GLIS3: variants seen among roughly 807,000 people sequenced by gnomAD.
GLIS3 encodes the protein GLIS family zinc finger 3.
Under a neutral mutation model 78.6 loss-of-function variants are expected in GLIS3, and 53 were observed. The ratio of observed to expected loss-of-function variants is 0.67; its 90% CI spans 0.54 to 0.85. The LOEUF (loss-of-function observed/expected upper bound fraction) is 0.85. GLIS3 is among the 40% of genes least tolerant of loss of function. GLIS3 has a pLI of 0.00. For missense variants in GLIS3, 1,703 were observed against 1,231.1 expected, an observed-to-expected ratio of 1.38 and a Z score of -5.74; for synonymous variants, 684 against 509.9, an observed-to-expected ratio of 1.34 and a Z score of -4.60.
intron 4 of GLIS3, among the ~76,000 whole-genome samples, chr9:3,957,878 T>C (rs1817253271): frequency 6.6e-6 from 1 of 152,198 alleles, no homozygotes; most frequent in East Asian, 1.9e-4. Flanking sequence ...CTGCCTGAAA[T>C]GCCCATGTTG....
At chr9:4,318,177 G>A (rs1369888699) in intron 2 of GLIS3, among the ~76,000 whole-genome samples, 2 of 152,122 alleles carry the variant, frequency 1.3e-5, no homozygotes, top group East Asian at 1.9e-4. Context: ...AGTGGTGGGT[G>A]GAAGGCAGTT....
intron 2 of GLIS3, among the ~76,000 whole-genome samples, chr9:4,242,195 C>A (rs1329901383): frequency 2.0e-5 from 3 of 152,094 alleles, no homozygotes; most frequent in Non-Finnish European, 4.4e-5. Flanking sequence ...AAACAGCTCC[C>A]ACCTTGGTCA....
intron 2 of GLIS3, among the ~76,000 whole-genome samples, chr9:4,140,191 G>C (rs1833704347): frequency 6.6e-6 from 1 of 152,130 alleles, no homozygotes; most frequent in African/African-American, 2.4e-5. Context: ...AGGCATGGTG[G>C]CGCGTGCCTA....
chr9:3,884,825 A>G (rs1821964160), intron 7 of GLIS3, among the ~76,000 whole-genome samples: 1 of 152,084 alleles, frequency 6.6e-6, no homozygotes, highest in Admixed American at 6.5e-5. Flanking sequence ...AGATCACATG[A>G]CCCAGAACAC....
chr9:4,175,131 G>T (rs1031821017), intron 2 of GLIS3, among the ~76,000 whole-genome samples: 2 of 152,124 alleles, frequency 1.3e-5, no homozygotes, highest in Non-Finnish European at 2.9e-5. Flanking sequence ...TTTCTGAATG[G>T]TCTCTCTACA....
At chr9:3,920,205 G>A (rs541224540) in intron 6 of GLIS3, among the ~76,000 whole-genome samples, 121 of 151,962 alleles carry the variant, frequency 8.0e-4, no homozygotes, top group African/African-American at 2.6e-3. Flanking sequence ...GGGTTTCTCC[G>A]TGTTAGCCAG....
At chr9:4,462,209 C>T in the GLIS3 span, among the ~76,000 whole-genome samples, 95 of 152,282 alleles carry the variant, frequency 6.2e-4, no homozygotes, top group African/African-American at 2.1e-3. Context: ...AGCACACCTA[C>T]AAGATCACTA....
intron 4 of GLIS3, among the ~76,000 whole-genome samples, chr9:4,039,193 C>T (rs1045148632): frequency 1.3e-5 from 2 of 152,178 alleles, no homozygotes; most frequent in African/African-American, 2.4e-5. Flanking sequence ...AATAGGGCAC[C>T]TGGTTATTCT....
Position 3,837,496 on chromosome 9 carries a change from C to T in GLIS3, c.2474-8004G>A, listed in dbSNP as rs72683493. On this transcript the variant is annotated intron_variant, in intron 9 of 10. Transcript: ENST00000381971. ...ATGTTTATAGTAGCATTATTCATCA[C>T]TGCCAAAATTTGGAAGCAACCGAGA... Among the ~76,000 whole-genome samples, 1,261 of 152,304 alleles carry T rather than the reference C, an allele frequency of 8.3e-3. 30 individuals carry two copies. Among genetic ancestry groups the T allele is most frequent in the South Asian group, 7.7e-3 (37 of 4,818 alleles).
chr9:4,178,659 T>C (rs1408784166), intron 2 of GLIS3, among the ~76,000 whole-genome samples: 1 of 152,048 alleles, frequency 6.6e-6, no homozygotes, highest in Non-Finnish European at 1.5e-5. Context: ...CACAGGAAAA[T>C]AAAAACCCAA....
chr9:4,385,103 C>G, the GLIS3 span, among the ~76,000 whole-genome samples: 2 of 152,222 alleles, frequency 1.3e-5, no homozygotes, highest in Admixed American at 1.3e-4. Flanking sequence ...AAGGAAAAAT[C>G]TAACACTCCT....
chr9:4,321,449 A>AAAAAAAG (rs1817526904), intron 2 of GLIS3, among the ~76,000 whole-genome samples: 1 of 140,992 alleles, frequency 7.1e-6, no homozygotes, highest in Non-Finnish European at 1.5e-5. Flanking sequence ...AAAAAAAAAA[A>AAAAAAAG]AAAAAAAAAA....
chr9:3,988,581 T>C (rs147592372), intron 4 of GLIS3, among the ~76,000 whole-genome samples: 5 of 152,106 alleles, frequency 3.3e-5, no homozygotes, highest in African/African-American at 1.2e-4. Flanking sequence ...TTGAACAGAA[T>C]AGACAACCCA....
At chr9:4,064,450 C>A (rs908288398) in intron 4 of GLIS3, among the ~76,000 whole-genome samples, 7 of 152,084 alleles carry the variant, frequency 4.6e-5, no homozygotes, top group Non-Finnish European at 1.0e-4. Flanking sequence ...TGCATTAGTT[C>A]AAGATTTTCA....
the GLIS3 span, among the ~76,000 whole-genome samples, chr9:4,451,945 C>G: frequency 6.7e-6 from 1 of 148,454 alleles, no homozygotes; most frequent in Middle Eastern, 3.4e-3. Context: ...CAAACGGAAT[C>G]CAGCAGCACA....
chr9:4,001,392 G>A (rs1466358592), intron 4 of GLIS3, among the ~76,000 whole-genome samples: 2 of 152,134 alleles, frequency 1.3e-5, no homozygotes, highest in Non-Finnish European at 2.9e-5. Context: ...CTTAATGGGT[G>A]TATTTTAATT....
chr9:4,241,293 T>C (rs895768545), intron 2 of GLIS3, among the ~76,000 whole-genome samples: 17 of 152,224 alleles, frequency 1.1e-4, no homozygotes, highest in African/African-American at 4.1e-4. Context: ...ACTCTTTTTT[T>C]GCAAGACTTG....
chr9:4,354,882 C>T, the GLIS3 span, among the ~76,000 whole-genome samples: 9 of 152,016 alleles, frequency 5.9e-5, no homozygotes, highest in Non-Finnish European at 7.4e-5. Context: ...TTTGGGAGGC[C>T]GAGGTGGGCG....
At chr9:3,954,343 A>G (rs1197609068) in intron 4 of GLIS3, among the ~76,000 whole-genome samples, 1 of 152,222 alleles carries the variant, frequency 6.6e-6, no homozygotes, top group African/African-American at 2.4e-5. Flanking sequence ...TAATGGTACA[A>G]TGTTCACTGG....
Sources: allele counts gnomAD v4.1 joint callset (sites outside exome capture counted in the v4.1 genomes callset), GRCh38; gene constraint gnomAD v4.1.1; transcripts MANE v1.5; gene names NCBI Gene and HGNC (gene_info 2026-07-23, HGNC 2026-07-21).